The following PPP2R2B variants were observed in gnomAD, a reference collection of about 807,000 sequenced individuals.
PPP2R2B encodes the protein serine/threonine-protein phosphatase 2A 55 kDa regulatory subunit B beta isoform.
In PPP2R2B, 5 loss-of-function variants were observed where a neutral mutation model predicts 46.0. That is an observed-to-expected ratio of 0.11 (90% CI 0.06 to 0.23). The LOEUF (loss-of-function observed/expected upper bound fraction) is 0.23, where lower values mean the gene tolerates loss of function less well. PPP2R2B is among the 10% of genes least tolerant of loss of function. The pLI is 1.00. For synonymous variants in PPP2R2B, 215 were observed against 206.7 expected (o/e 1.04, Z -0.34); for missense variants, 367 against 575.0 (o/e 0.64, Z 3.70).
chr5:146,806,415 T>TAA (rs888889946), intron 2 of PPP2R2B, among the ~76,000 whole-genome samples: 2 of 152,176 alleles, frequency 1.3e-5, no homozygotes, highest in African/African-American at 4.8e-5. Flanking sequence ...AGCTTGTGTA[T>TAA]AACCTTTAAG....
chr5:146,832,821 G>A (rs1759042918), intron 2 of PPP2R2B, among the ~76,000 whole-genome samples: 1 of 152,012 alleles, frequency 6.6e-6, no homozygotes, highest in East Asian at 1.9e-4. Flanking sequence ...TAGTCCAGGA[G>A]CAATAGCCTA....
chr5:146,889,973 G>A (rs1176754329), intron 1 of PPP2R2B, among the ~76,000 whole-genome samples: 2 of 152,196 alleles, frequency 1.3e-5, no homozygotes, highest in Non-Finnish European at 2.9e-5. Flanking sequence ...AGGTTACCTG[G>A]TAATTTGGTG....
intron 1 of PPP2R2B, among the ~76,000 whole-genome samples, chr5:146,987,623 T>C (rs965346046): frequency 6.6e-6 from 1 of 151,878 alleles, no homozygotes; most frequent in Non-Finnish European, 1.5e-5. Flanking sequence ...GCAAAATCTA[T>C]AATGGATAAA....
chr5:146,801,411 T>TA (rs1239256825), intron 2 of PPP2R2B, among the ~76,000 whole-genome samples: 2 of 152,192 alleles, frequency 1.3e-5, no homozygotes, highest in African/African-American at 4.8e-5. Flanking sequence ...TTATGACACA[T>TA]ACATCAAATC....
intron 2 of PPP2R2B, among the ~76,000 whole-genome samples, chr5:146,741,484 G>A (rs894776470): frequency 3.3e-5 from 5 of 152,078 alleles, no homozygotes; most frequent in Admixed American, 6.5e-5. Context: ...AAACACTCCC[G>A]GTGTCCTTGT....
intron 1 of PPP2R2B, among the ~76,000 whole-genome samples, chr5:147,012,724 T>C (rs1339930901): frequency 4.0e-5 from 6 of 151,850 alleles, no homozygotes; most frequent in South Asian, 2.1e-4. Context: ...TTTAGTGCTA[T>C]AAATTTCCCT....
intron 2 of PPP2R2B, among the ~76,000 whole-genome samples, chr5:146,805,188 A>G (rs753817539): frequency 3.3e-5 from 5 of 152,182 alleles, no homozygotes; most frequent in Non-Finnish European, 7.3e-5. Flanking sequence ...CTCTTATTAC[A>G]TAGAAAGTTG....
At chr5:146,948,567 A>C (rs1205750156) in intron 1 of PPP2R2B, among the ~76,000 whole-genome samples, 1 of 146,616 alleles carries the variant, frequency 6.8e-6, no homozygotes, top group African/African-American at 2.6e-5. Context: ...TTATATATTA[A>C]GTAGAAAACA....
intron 1 of PPP2R2B, among the ~76,000 whole-genome samples, chr5:147,053,090 T>G (rs1301471184): frequency 6.6e-6 from 1 of 151,440 alleles, no homozygotes; most frequent in African/African-American, 2.4e-5. Context: ...AACTATCCTG[T>G]GGAGTATTGT....
At chr5:146,941,876 C>T (rs1764334208) in intron 1 of PPP2R2B, among the ~76,000 whole-genome samples, 2 of 152,180 alleles carry the variant, frequency 1.3e-5, no homozygotes, top group African/African-American at 4.8e-5. Context: ...GACTAGAAGT[C>T]TGAAATCAAG....
upstream of PPP2R2B, chr5:146,879,000 G>A (rs189253690): frequency 3.9e-4 from 383 of 987,338 alleles, 1 homozygote; most frequent in African/African-American, 5.3e-3. The surrounding 1 kb of genome is among the most constrained non-coding windows in gnomAD (Gnocchi z 4.5). Context: ...CTCAGCTAAG[G>A]GCCACGTCTA....
upstream of PPP2R2B, among the ~76,000 whole-genome samples, chr5:147,056,345 A>C (rs1276783454): frequency 6.6e-6 from 1 of 152,190 alleles, no homozygotes; most frequent in Non-Finnish European, 1.5e-5. Context: ...TAAAATACTA[A>C]AGCCCAAACA....
chr5:146,935,246 G>T (rs1044898029), intron 1 of PPP2R2B, among the ~76,000 whole-genome samples: 3 of 152,112 alleles, frequency 2.0e-5, no homozygotes, highest in Non-Finnish European at 4.4e-5. Flanking sequence ...TTATGTAATA[G>T]GCTCCAGATA....
chr5:146,999,871 T>C (rs1409128933), intron 1 of PPP2R2B, among the ~76,000 whole-genome samples: 2 of 152,224 alleles, frequency 1.3e-5, no homozygotes, highest in African/African-American at 2.4e-5. Flanking sequence ...ACATACTGCA[T>C]GTAAAGGCCA....
intron 5 of PPP2R2B, among the ~76,000 whole-genome samples, chr5:146,672,021 TAAAC>T: frequency 6.6e-6 from 1 of 152,280 alleles, no homozygotes; most frequent in Admixed American, 6.5e-5. Flanking sequence ...AGCTCTTTTT[TAAAC>T]ACAAAAGGAG....
At chr5:146,898,515 A>G (rs1762720715) in intron 1 of PPP2R2B, among the ~76,000 whole-genome samples, 1 of 151,984 alleles carries the variant, frequency 6.6e-6, no homozygotes, top group South Asian at 2.1e-4. Flanking sequence ...TAAAACCATA[A>G]AAACCCTAGA....
chr5:147,002,845 C>CA (rs1362272662), intron 1 of PPP2R2B, among the ~76,000 whole-genome samples: 1 of 152,090 alleles, frequency 6.6e-6, no homozygotes, highest in Non-Finnish European at 1.5e-5. Context: ...GGGGGAGAAA[C>CA]AAACCAAAAC....
intron 2 of PPP2R2B, among the ~76,000 whole-genome samples, chr5:146,776,188 T>C (rs1166736520): frequency 2.0e-5 from 3 of 152,094 alleles, no homozygotes; most frequent in South Asian, 2.1e-4. Context: ...AATACAAGAA[T>C]AGTCAATTCA....
chr5:147,037,740 A>T (rs1384457177), intron 1 of PPP2R2B, among the ~76,000 whole-genome samples: 4 of 152,112 alleles, frequency 2.6e-5, no homozygotes, highest in African/African-American at 9.7e-5. Flanking sequence ...CTAACTGCCC[A>T]CTCACAGGCA....
Sources: allele counts gnomAD v4.1 joint callset (sites outside exome capture counted in the v4.1 genomes callset), GRCh38; gene constraint gnomAD v4.1.1; non-coding constraint Gnocchi (gnomAD v3.1); transcripts MANE v1.5; gene names NCBI Gene and HGNC (gene_info 2026-07-23, HGNC 2026-07-21).